The following RICTOR variants were observed in gnomAD, a reference collection of about 807,000 sequenced individuals.
RICTOR encodes the protein RPTOR independent companion of MTOR complex 2.
Under a neutral mutation model 214.9 loss-of-function variants are expected in RICTOR, and 49 were observed. The ratio of observed to expected loss-of-function variants is 0.23; its 90% CI spans 0.18 to 0.29. RICTOR has a LOEUF of 0.29. Ranked by LOEUF, RICTOR falls within the 10% of genes least tolerant of loss-of-function variation. The probability of loss-of-function intolerance (pLI) is 1.00; values close to 1 mark genes in which losing one functional copy is unlikely to be tolerated. For synonymous variants in RICTOR, 717 were observed against 711.3 expected (o/e 1.01, Z -0.13); for missense variants, 1,625 against 2,047.0 (o/e 0.79, Z 3.98).
In RICTOR at chr5:39,063,204, A is replaced by G. The variant is rs115280321; in HGVS notation, c.97+10907T>C. ...TTACCTAGGCTTGGGTCTGGAATGC[A>G]GACATTTATAGACTCATAGTCACAA... is the stretch of plus-strand genomic sequence containing the variant. On this transcript the variant is annotated intron_variant, in intron 2 of 37. Transcript: ENST00000357387. Among the ~76,000 whole-genome samples, 822 of 152,276 alleles carry G rather than the reference A, an allele frequency of 5.4e-3. 10 individuals carry two copies. Among genetic ancestry groups the G allele is most frequent in the African/African-American group, 0.019 (782 of 41,576 alleles).
intron 35 of RICTOR, 27 bp from the exon 36 acceptor site, chr5:38,944,596 A>G (rs368839617): frequency 3.7e-5 from 57 of 1,548,128 alleles, no homozygotes; most frequent in Admixed American, 2.0e-4. Context: ...GAGAAGTTAA[A>G]TATTATCTAT....
At chr5:39,058,238 C>G in intron 2 of RICTOR, among the ~76,000 whole-genome samples, 1 of 151,760 alleles carries the variant, frequency 6.6e-6, no homozygotes, top group Non-Finnish European at 1.5e-5. Context: ...AATCAGGGAA[C>G]ATAAAGAGGT....
chr5:38,975,735 CAAAGAT>C, intron 9 of RICTOR, 131 bp from the exon 10 acceptor site: 1 of 568,460 alleles, frequency 1.8e-6, no homozygotes, highest in South Asian at 2.7e-5. Flanking sequence ...TAAAACAAGA[CAAAGAT>C]CAGATCTACA....
intron 2 of RICTOR, among the ~76,000 whole-genome samples, chr5:39,070,981 A>G (rs888398861): frequency 6.6e-6 from 1 of 152,248 alleles, no homozygotes; most frequent in African/African-American, 2.4e-5. Flanking sequence ...TGTAAAGTCT[A>G]CTATAATGAA....
chr5:38,942,836 T>C lies in RICTOR; in HGVS notation c.5049A>G (p.Leu1683=). Residue 1683 remains leucine (L), a synonymous_variant, in exon 37 of 38, where the codon CTA becomes CTG. Transcript: ENST00000357387. The part of the protein sequence containing the change: ...IQELFQDVQF[L]QMHEEAEAVL... The stretch of plus-strand genomic sequence containing the variant: ...GAGAAGTACTAATCATACTTACTTG[T>C]AGAAACTGTACATCTTGAAATAATT... The C allele has an allele frequency of 6.2e-7, 1 of 1,604,148 alleles. No homozygotes were observed. Among genetic ancestry groups the C allele is most frequent in the Non-Finnish European group, 8.5e-7 (1 of 1,171,008 alleles).
intron 2 of RICTOR, among the ~76,000 whole-genome samples, chr5:39,063,818 A>G (rs1178856194): frequency 6.6e-6 from 1 of 152,054 alleles, no homozygotes; most frequent in Non-Finnish European, 1.5e-5. Context: ...TACAAATCCA[A>G]ATTAACACAA....
At chr5:39,070,796 T>TA (rs1759265521) in intron 2 of RICTOR, among the ~76,000 whole-genome samples, 1 of 152,310 alleles carries the variant, frequency 6.6e-6, no homozygotes, top group Non-Finnish European at 1.5e-5. Flanking sequence ...ACTGGACTGA[T>TA]AAGACAGTCT....
Position 38,958,063 on chromosome 5 carries a change from C to G in RICTOR, c.2421-333G>C, listed in dbSNP as rs189221591. Among the ~76,000 whole-genome samples the G allele has an allele frequency of 1.4e-4, 22 of 152,006 alleles. No homozygotes were observed. The East Asian group carries it at 4.1e-3, about 28-fold the overall frequency. The stretch of plus-strand genomic sequence containing the variant: ...CCAGCCTGGCCAACATGGTGAAACT[C>G]CAACTCTACTAAAAATACAAAAAAT... On this transcript the variant is annotated intron_variant, in intron 24 of 37. Transcript: ENST00000357387.
intron 10 of RICTOR, among the ~76,000 whole-genome samples, chr5:38,972,241 T>C (rs1360950775): frequency 2.0e-5 from 3 of 152,184 alleles, no homozygotes; most frequent in Non-Finnish European, 2.9e-5. Flanking sequence ...GATGAACTCT[T>C]CTCTGGGAGT....
At chr5:38,978,296 T>C (rs945554712) in intron 9 of RICTOR, among the ~76,000 whole-genome samples, 2 of 152,202 alleles carry the variant, frequency 1.3e-5, no homozygotes, top group African/African-American at 4.8e-5. Flanking sequence ...CTTTTGGTTT[T>C]TTAAATGTAA....
At chr5:38,962,212 T>C in intron 19 of RICTOR, 103 bp downstream of exon 19, 1 of 456,870 alleles carries the variant, frequency 2.2e-6, no homozygotes. Flanking sequence ...ATTGTTAAAA[T>C]GTATGTATAT....
In RICTOR at chr5:38,949,853, G is replaced by A. The variant is rs2112846887; in HGVS notation, c.3995C>T (p.Thr1332Ile). 6.2e-7 allele frequency: 1 copy of A among 1,613,442 alleles called. No homozygotes were observed. Among genetic ancestry groups the A allele is most frequent in the Non-Finnish European group, 8.5e-7 (1 of 1,179,546 alleles). ...TSSRDAFGYA[T>I]LKRLQQQRMH... ...TCTTTGTTGCTGTAGTCTTTTCAGT[G>A]TAGCATAGCCAAAAGCATCTCTAGA... Residue 1332 changes from threonine (T) to isoleucine (I), a missense_variant, in exon 31 of 38, where the codon ACA becomes ATA. Thr to Ile is a moderately conservative substitution (Grantham distance 89). Around this residue, in one of 5 missense-constraint regions of RICTOR, gnomAD observed 1,214 missense variants for 1,470.5 expected, o/e 0.83. Coordinates refer to ENST00000357387, the MANE Select transcript of RICTOR (RefSeq NM_152756.5).
At chr5:39,064,787 G>A (rs1395372657) in intron 2 of RICTOR, among the ~76,000 whole-genome samples, 1 of 152,206 alleles carries the variant, frequency 6.6e-6, no homozygotes, top group Non-Finnish European at 1.5e-5. Context: ...TACTCACAGT[G>A]ATTTAACAAG....
At chr5:39,007,622 G>A (rs1032782348) in intron 3 of RICTOR, among the ~76,000 whole-genome samples, 1 of 151,820 alleles carries the variant, frequency 6.6e-6, no homozygotes, top group Admixed American at 6.6e-5. Context: ...AGAAGAACAG[G>A]CAAAGAAAAT....
intron 2 of RICTOR, among the ~76,000 whole-genome samples, chr5:39,049,332 C>A (rs1034334580): frequency 6.6e-6 from 1 of 151,940 alleles, no homozygotes; most frequent in African/African-American, 2.4e-5. Context: ...CAGAATTATT[C>A]AATGAAATAA....
At chr5:39,067,292 G>A (rs77954301) in intron 2 of RICTOR, among the ~76,000 whole-genome samples, 4,757 of 152,216 alleles carry the variant, frequency 0.031, 126 homozygotes, top group South Asian at 0.082. Context: ...GTGAGAAAGA[G>A]TAAGAGGGTA....
chr5:38,963,389 A>G (rs1381742941), intron 16 of RICTOR, among the ~76,000 whole-genome samples: 1 of 151,952 alleles, frequency 6.6e-6, no homozygotes, highest in East Asian at 1.9e-4. Flanking sequence ...TAAATCCTTA[A>G]TCCGCCTGAA....
At chr5:39,027,964 C>A (rs961126773) in intron 2 of RICTOR, among the ~76,000 whole-genome samples, 2 of 151,548 alleles carry the variant, frequency 1.3e-5, no homozygotes, top group African/African-American at 4.9e-5. Flanking sequence ...AATAAAATAA[C>A]CCATGTAAAA....
chr5:39,060,368 CT>C lies in RICTOR; in HGVS notation c.97+13742del, dbSNP rs1221738824. ...TTACATATATTAGCGTAAGTCCACACTTAACAGTTGCCATTCTACAGCACAA... is the reference window on the plus strand; with the variant it reads ...TTACATATATTAGCGTAAGTCCACACTAACAGTTGCCATTCTACAGCACAA... On this transcript the variant is annotated intron_variant, in intron 2 of 37. Coordinates refer to ENST00000357387, the MANE Select transcript of RICTOR (RefSeq NM_152756.5). 3.3e-5 allele frequency among the ~76,000 whole-genome samples: 5 copies of C among 151,992 alleles called. No individual in the cohort carries two copies. In the East Asian group the frequency reaches 5.8e-4, roughly 18 times the overall value.
Sources: allele counts gnomAD v4.1 joint callset (sites outside exome capture counted in the v4.1 genomes callset), GRCh38; gene constraint gnomAD v4.1.1; regional missense constraint gnomAD v4.1.1; transcripts MANE v1.5; gene names NCBI Gene and HGNC (gene_info 2026-07-23, HGNC 2026-07-21).